Variants in AMBRA1 observed in about 807,000 individuals in gnomAD.
AMBRA1 encodes the protein autophagy and beclin 1 regulator 1, also known as activating molecule in BECN1-regulated autophagy protein 1.
AMBRA1 carries 47 observed loss-of-function variants against 125.4 expected under a neutral mutation model. That is an observed-to-expected ratio of 0.37 (90% CI 0.30 to 0.48). The LOEUF (loss-of-function observed/expected upper bound fraction) is 0.48, where lower values mean the gene tolerates loss of function less well. AMBRA1 is among the 20% of genes least tolerant of loss of function. The pLI, the probability that AMBRA1 is intolerant of heterozygous loss-of-function variation, is 0.99. For missense variants in AMBRA1, 1,331 were observed against 1,693.4 expected (o/e 0.79, Z 3.76); for synonymous variants, 626 against 655.5 (o/e 0.95, Z 0.69).
At chr11:46,423,859 G>A (rs1170597732) in intron 14 of AMBRA1, among the ~76,000 whole-genome samples, 1 of 149,818 alleles carries the variant, frequency 6.7e-6, no homozygotes, top group African/African-American at 2.5e-5. Flanking sequence ...TGCCTCCTGG[G>A]TTCAAGCGAT....
At chr11:46,404,575 C>T (rs1278715817) in intron 17 of AMBRA1, among the ~76,000 whole-genome samples, 2 of 152,224 alleles carry the variant, frequency 1.3e-5, no homozygotes, top group Non-Finnish European at 2.9e-5. Context: ...TGTGGAACAG[C>T]TGTGGGTACA....
chr11:46,449,770 C>T (rs749202976), intron 11 of AMBRA1, among the ~76,000 whole-genome samples: 6 of 152,116 alleles, frequency 3.9e-5, no homozygotes, highest in Non-Finnish European at 8.8e-5. Flanking sequence ...AACTTCAAGA[C>T]TTAATATAGG....
At chr11:46,581,032 A>C (rs1302630958) in intron 1 of AMBRA1, among the ~76,000 whole-genome samples, 2 of 151,954 alleles carry the variant, frequency 1.3e-5, no homozygotes, top group African/African-American at 4.8e-5. Context: ...GAGCTCAAGC[A>C]ATCCACCCGC....
intron 7 of AMBRA1, among the ~76,000 whole-genome samples, chr11:46,536,180 A>G (rs532648680): frequency 1.3e-5 from 2 of 152,354 alleles, no homozygotes; most frequent in South Asian, 4.1e-4. Context: ...AATTCTACTT[A>G]TTCAATTCAA....
intron 4 of AMBRA1, chr11:46,546,035 T>TTC: frequency 6.7e-6 from 1 of 149,542 alleles, no homozygotes. Flanking sequence ...TCCTATTTCT[T>TTC]TTTTTTTTTT....
At position 46,516,431 on chromosome 11, in the gene AMBRA1, T is replaced by G. The variant is rs992316016; in HGVS notation, c.2073-3618A>C. ...CTCAAAGAAAGATCTTTCTTTTTTT[T>G]TTTTTTTTTTTTTTTTTGAGACGGT... On this transcript the variant is annotated intron_variant, in intron 7 of 17. Transcript: ENST00000683756. Among the ~76,000 whole-genome samples, 3 of 125,070 alleles carry G rather than the reference T, an allele frequency of 2.4e-5. No individual in the cohort carries two copies. The East Asian group carries it at 6.2e-4, about 26-fold the overall frequency. 82.1% of individuals were successfully genotyped at this position (125,070 alleles called of 152,430 possible). A position where few individuals can be genotyped will look rare whatever the true frequency, so the allele number is the denominator to read the frequency against.
At chr11:46,488,398 G>A (rs1458230193) in intron 11 of AMBRA1, among the ~76,000 whole-genome samples, 1 of 152,000 alleles carries the variant, frequency 6.6e-6, no homozygotes, top group East Asian at 1.9e-4. Flanking sequence ...GGAAGTTGCA[G>A]TGAGCTGAGA....
chr11:46,430,732 T>C (rs1947419260), intron 14 of AMBRA1, among the ~76,000 whole-genome samples: 1 of 152,186 alleles, frequency 6.6e-6, no homozygotes, highest in Non-Finnish European at 1.5e-5. Context: ...CCCAACACAT[T>C]TGCCTCTCTG....
chr11:46,536,877 A>C (rs1952503562), intron 7 of AMBRA1, among the ~76,000 whole-genome samples: 1 of 152,190 alleles, frequency 6.6e-6, no homozygotes, highest in Non-Finnish European at 1.5e-5. Context: ...GTACTTCCCC[A>C]GTCTTCATCT....
At chr11:46,442,188 AC>A (rs1948046930) in intron 12 of AMBRA1, among the ~76,000 whole-genome samples, 1 of 151,524 alleles carries the variant, frequency 6.6e-6, no homozygotes, top group African/African-American at 2.4e-5. Context: ...TGTCACCCAG[AC>A]TGGAGTGTAG....
At chr11:46,413,746 C>A (rs1946405186) in intron 15 of AMBRA1, among the ~76,000 whole-genome samples, 1 of 152,226 alleles carries the variant, frequency 6.6e-6, no homozygotes, top group Non-Finnish European at 1.5e-5. Flanking sequence ...CTGCCTCAGC[C>A]TCCCAAAGTG....
chr11:46,476,952 C>CA (rs1324137467), intron 11 of AMBRA1, among the ~76,000 whole-genome samples: 1 of 151,894 alleles, frequency 6.6e-6, no homozygotes, highest in Non-Finnish European at 1.5e-5. Flanking sequence ...ACTAAAAATA[C>CA]AAAAAAATTA....
intron 11 of AMBRA1, among the ~76,000 whole-genome samples, chr11:46,484,944 CT>C (rs765088387): frequency 1.1e-4 from 15 of 140,184 alleles, no homozygotes; most frequent in East Asian, 2.2e-4. Context: ...TGTGCCCAGG[CT>C]TTTTTTTTTA....
intron 11 of AMBRA1, among the ~76,000 whole-genome samples, chr11:46,474,234 T>C (rs979795126): frequency 3.3e-5 from 5 of 152,114 alleles, no homozygotes; most frequent in Admixed American, 3.3e-4. Flanking sequence ...TCCTGGTTGA[T>C]TAATTTCATT....
At chr11:46,555,019 C>A (rs988414987) in intron 1 of AMBRA1, among the ~76,000 whole-genome samples, 1 of 152,032 alleles carries the variant, frequency 6.6e-6, no homozygotes, top group Non-Finnish European at 1.5e-5. Context: ...CTACAGTGAG[C>A]CATGATTGCA....
chr11:46,576,006 C>T (rs951797333), intron 1 of AMBRA1, among the ~76,000 whole-genome samples: 2 of 152,078 alleles, frequency 1.3e-5, no homozygotes, highest in African/African-American at 4.8e-5. Flanking sequence ...AAGAGATTGC[C>T]GGTCCCAATC....
chr11:46,593,146 A>G (rs757329099), intron 1 of AMBRA1, among the ~76,000 whole-genome samples: 4 of 152,220 alleles, frequency 2.6e-5, no homozygotes, highest in Non-Finnish European at 4.4e-5. Context: ...TTGTGACAGG[A>G]TCTATATTCC....
chr11:46,554,457 A>G (rs2043106647), intron 1 of AMBRA1, among the ~76,000 whole-genome samples: 1 of 152,224 alleles, frequency 6.6e-6, no homozygotes, highest in South Asian at 2.1e-4. Flanking sequence ...GATCAGGATT[A>G]CCAAACAACA....
intron 10 of AMBRA1, 189 bp from the exon 11 acceptor site, chr11:46,493,897 T>TC (rs1169329951): frequency 1.3e-5 from 8 of 635,760 alleles, no homozygotes; most frequent in Non-Finnish European, 2.2e-5. Flanking sequence ...CTTCTAAAGT[T>TC]CCCCCAACAC....
Sources: gnomAD v4.1 joint callset for allele counts (sites outside exome capture counted in the v4.1 genomes callset) on GRCh38, gnomAD v4.1.1 for gene constraint, MANE v1.5 for transcripts, NCBI Gene and HGNC (gene_info 2026-07-23, HGNC 2026-07-21) for gene names.